EFCAB7: variants seen among roughly 807,000 people sequenced by gnomAD.
EFCAB7 encodes the protein EF-hand calcium binding domain 7.
Under a neutral mutation model 77.1 loss-of-function variants are expected in EFCAB7, and 66 were observed. The observed-to-expected ratio is 0.86, with a 90% confidence interval of 0.70 to 1.05. The LOEUF (loss-of-function observed/expected upper bound fraction) is 1.05. Ranked by LOEUF, EFCAB7 falls within the 50% of genes least tolerant of loss-of-function variation. The pLI, the probability that EFCAB7 is intolerant of heterozygous loss-of-function variation, is 0.00. For missense variants in EFCAB7, 638 were observed against 730.5 expected, an observed-to-expected ratio of 0.87 and a Z score of 1.46; for synonymous variants, 225 against 243.3, an observed-to-expected ratio of 0.92 and a Z score of 0.70.
intron 1 of EFCAB7, 125 bp downstream of exon 1, chr1:63,523,759 T>A (rs1468159911): frequency 1.3e-5 from 2 of 153,626 alleles, no homozygotes; most frequent in Non-Finnish European, 2.9e-5. Context: ...GTACCTAAAA[T>A]GTACATGTAA....
chr1:63,532,193 A>G (rs75246259), intron 3 of EFCAB7, among the ~76,000 whole-genome samples, 162 bp downstream of exon 3: 8,767 of 152,106 alleles, frequency 0.058, 849 homozygotes, highest in African/African-American at 0.2. Context: ...TTCTGGATGA[A>G]ATGTTCTTTG....
downstream of EFCAB7, among the ~76,000 whole-genome samples, chr1:63,575,550 G>T (rs1647387094): frequency 6.6e-6 from 1 of 152,074 alleles, no homozygotes; most frequent in Admixed American, 6.5e-5. Context: ...TTGGCAAACT[G>T]TATTGGACAC....
At chr1:63,552,475 T>C (rs12083433) in intron 8 of EFCAB7, among the ~76,000 whole-genome samples, 23,999 of 152,192 alleles carry the variant, frequency 0.16, 1,930 homozygotes, top group Middle Eastern at 0.26. Context: ...ATACTACTAC[T>C]GCAAAACAGA....
chr1:63,530,449 T>C (rs1380901471), intron 2 of EFCAB7, among the ~76,000 whole-genome samples: 1 of 152,230 alleles, frequency 6.6e-6, no homozygotes, highest in African/African-American at 2.4e-5. Flanking sequence ...TAGAAAATGT[T>C]ATATTTCAGT....
At chr1:63,533,416 T>C (rs217454) in intron 4 of EFCAB7, 38 bp from the exon 5 acceptor site, 530,395 of 1,504,460 alleles carry the variant, frequency 0.35, 95,592 homozygotes, top group Admixed American at 0.49. Context: ...CAGTGTATGA[T>C]TGAATGTTTT....
At position 63,572,471 on chromosome 1, in the gene EFCAB7, A is replaced by C; in HGVS notation, c.1845A>C (p.Glu615Asp). Residue 615 changes from glutamate to aspartate, a missense_variant, in exon 14 of 14, where the codon GAA becomes GAC. Transcript: ENST00000371088. The stretch of plus-strand genomic sequence containing the variant: ...GTCAACATGTAATGCCTTTGAATGA[A>C]CGACAAGAATGGATATATTATTGTA... ...MVCQHVMPLN[E>D]RQEWIYYCIY... The C allele has an allele frequency of 6.3e-7, 1 of 1,579,858 alleles. No individual in the cohort carries two copies. The highest frequency in any genetic ancestry group is 8.6e-7 in the Non-Finnish European group (1 of 1,164,068).
At chr1:63,536,988 G>A (rs1646770986) in intron 6 of EFCAB7, among the ~76,000 whole-genome samples, 1 of 152,122 alleles carries the variant, frequency 6.6e-6, no homozygotes, top group Admixed American at 6.6e-5. Context: ...GGACTTTTCA[G>A]AAATTAGAAA....
the EFCAB7 span, among the ~76,000 whole-genome samples, chr1:63,583,307 G>A: frequency 1.2e-4 from 18 of 152,100 alleles, no homozygotes; most frequent in Non-Finnish European, 2.9e-5. Flanking sequence ...CCTACCCTCC[G>A]CAGCCTTGAA....
intron 10 of EFCAB7, among the ~76,000 whole-genome samples, chr1:63,559,663 T>C (rs1462818486): frequency 6.6e-6 from 1 of 152,092 alleles, no homozygotes; most frequent in Non-Finnish European, 1.5e-5. Flanking sequence ...AGTTTCACCA[T>C]GTTGCCCAGG....
At chr1:63,565,961 A>C (rs575470284) in intron 11 of EFCAB7, among the ~76,000 whole-genome samples, 1 of 152,324 alleles carries the variant, frequency 6.6e-6, no homozygotes, top group South Asian at 2.1e-4. Context: ...CAAAGACCTA[A>C]AGACAAATAC....
downstream of EFCAB7, among the ~76,000 whole-genome samples, chr1:63,575,455 G>A (rs1484712062): frequency 6.6e-6 from 1 of 152,054 alleles, no homozygotes; most frequent in African/African-American, 2.4e-5. Flanking sequence ...CAGAGGGTGA[G>A]CATATTATTT....
At chr1:63,559,737 T>C (rs1026046854) in intron 10 of EFCAB7, among the ~76,000 whole-genome samples, 5 of 152,318 alleles carry the variant, frequency 3.3e-5, no homozygotes, top group Admixed American at 2.6e-4. Flanking sequence ...TTGACAAATA[T>C]GTAACATCAT....
At position 63,552,102 on chromosome 1, in the gene EFCAB7, C is replaced by T. The variant is rs1570419707; in HGVS notation, c.1056+268C>T. 2.6e-5 allele frequency among the ~76,000 whole-genome samples: 4 copies of T among 152,084 alleles called. No individual in the cohort carries two copies. In the South Asian group the frequency reaches 8.3e-4, roughly 32 times the overall value. On this transcript the variant is annotated intron_variant, in intron 8 of 13. Transcript: ENST00000371088. The stretch of plus-strand genomic sequence containing the variant: ...GGGCATGGTGGCATGCACCTGAAGT[C>T]CCTGCTACTTGGGAAACTGAAGCAG...
chr1:63,566,929 TTC>T (rs1175855992), intron 11 of EFCAB7, among the ~76,000 whole-genome samples: 2 of 150,956 alleles, frequency 1.3e-5, no homozygotes, highest in South Asian at 2.1e-4. Flanking sequence ...AAACACAAAT[TTC>T]TGTTTATAGT....
chr1:63,533,227 C>T (rs2100874273), intron 4 of EFCAB7, among the ~76,000 whole-genome samples: 1 of 152,244 alleles, frequency 6.6e-6, no homozygotes, highest in East Asian at 1.9e-4. Context: ...CCTTGTGTAA[C>T]ATTTTATTTT....
intron 11 of EFCAB7, among the ~76,000 whole-genome samples, chr1:63,567,525 G>T (rs77031123): frequency 1.3e-5 from 2 of 152,136 alleles, no homozygotes; most frequent in Admixed American, 6.6e-5. Context: ...GAGAACAGTG[G>T]GGGAGTGAGG....
At chr1:63,571,648 C>T (rs1047521149) in intron 13 of EFCAB7, among the ~76,000 whole-genome samples, 4 of 115,026 alleles carry the variant, frequency 3.5e-5, no homozygotes, top group East Asian at 5.1e-4. Flanking sequence ...CCAGCCTGAG[C>T]GACAAGAGTG....
At chr1:63,557,381 T>G (rs1280292448) in intron 10 of EFCAB7, 134 bp downstream of exon 10, 9 of 772,892 alleles carry the variant, frequency 1.2e-5, no homozygotes, top group Non-Finnish European at 1.7e-5. Flanking sequence ...AGTAGTATTG[T>G]TTGTAGATCA....
chr1:63,524,363 G>T (rs938266864), intron 1 of EFCAB7, among the ~76,000 whole-genome samples: 1 of 152,120 alleles, frequency 6.6e-6, no homozygotes, highest in South Asian at 2.1e-4. Context: ...ATCCCTGTGG[G>T]GTCCTTCTAA....
Sources: gnomAD v4.1 joint callset for allele counts (sites outside exome capture counted in the v4.1 genomes callset) on GRCh38, gnomAD v4.1.1 for gene constraint, MANE v1.5 for transcripts, NCBI Gene and HGNC (gene_info 2026-07-23, HGNC 2026-07-21) for gene names.